MYO18B: variants seen among roughly 807,000 people sequenced by gnomAD.
MYO18B encodes myosin XVIIIB, also known as unconventional myosin-XVIIIb.
MYO18B carries 204 observed loss-of-function variants against 273.0 expected under a neutral mutation model. That is an observed-to-expected ratio of 0.75 (90% CI 0.67 to 0.84). The LOEUF (loss-of-function observed/expected upper bound fraction) is 0.84. Ranked by LOEUF, MYO18B falls within the 40% of genes least tolerant of loss-of-function variation. The pLI is 0.00. For missense variants in MYO18B, 3,212 were observed against 3,287.6 expected, an observed-to-expected ratio of 0.98 and a Z score of 0.56; for synonymous variants, 1,330 against 1,305.7, an observed-to-expected ratio of 1.02 and a Z score of -0.40.
intron 34 of MYO18B, among the ~76,000 whole-genome samples, chr22:25,934,313 T>C (rs1601614013): frequency 6.6e-6 from 1 of 152,212 alleles, no homozygotes; most frequent in South Asian, 2.1e-4. Context: ...TGATGTAATC[T>C]AATGGGTCAG....
chr22:25,992,961 A>C (rs915853037), intron 40 of MYO18B, among the ~76,000 whole-genome samples: 1 of 152,180 alleles, frequency 6.6e-6, no homozygotes, highest in Non-Finnish European at 1.5e-5. Flanking sequence ...AACATGACAG[A>C]TATGTAAGTG....
At chr22:25,948,707 A>AC (rs2092757667) in intron 36 of MYO18B, among the ~76,000 whole-genome samples, 1 of 151,712 alleles carries the variant, frequency 6.6e-6, no homozygotes, top group African/African-American at 2.4e-5. Flanking sequence ...TCCCATTCCC[A>AC]CCTTCATGTA....
At chr22:26,011,975 A>G (rs1934954173) in intron 42 of MYO18B, among the ~76,000 whole-genome samples, 1 of 152,202 alleles carries the variant, frequency 6.6e-6, no homozygotes, top group African/African-American at 2.4e-5. Flanking sequence ...TTCTGTAAAC[A>G]TTTGCAGCCC....
At chr22:25,878,156 A>G (rs2091252289) in intron 25 of MYO18B, 108 bp downstream of exon 25, 11 of 867,296 alleles carry the variant, frequency 1.3e-5, no homozygotes, top group South Asian at 1.1e-4. Context: ...TTGCTTTACA[A>G]GCACCCCAGA....
Position 26,027,504 on chromosome 22 carries a change from A to C in MYO18B, c.7530A>C (p.Ser2510=), listed in dbSNP as rs372338405. 2 of 1,613,848 alleles carry C rather than the reference A, an allele frequency of 1.2e-6. No homozygotes were observed. The highest frequency in any genetic ancestry group is 2.7e-5 in the African/African-American group (2 of 74,910). Residue 2510 remains serine, a synonymous_variant, in exon 43 of 44, where the codon TCA becomes TCC. Coordinates refer to ENST00000335473, the MANE Select transcript of MYO18B (RefSeq NM_032608.7). This position sits in a 1 kb window ranked among gnomAD's most constrained non-coding sequence, Gnocchi z 4.1. The part of the protein sequence containing the change: ...EDPAHLSDSS[S]SSGSIVSFKS... ...CCGCTCACCTGTCTGACTCGTCCTCATCCTCCGGCTCCATCGTGTCCTTCA... is the reference window on the plus strand; with the variant it reads ...CCGCTCACCTGTCTGACTCGTCCTCCTCCTCCGGCTCCATCGTGTCCTTCA...
chr22:25,813,193 T>A (rs1266993225), intron 12 of MYO18B, among the ~76,000 whole-genome samples: 1 of 148,158 alleles, frequency 6.7e-6, no homozygotes, highest in East Asian at 2.0e-4. Context: ...CCTTTTTTTT[T>A]TTTTTTTTGA....
intron 42 of MYO18B, among the ~76,000 whole-genome samples, chr22:26,007,834 T>C (rs1460300093): frequency 6.6e-6 from 1 of 152,202 alleles, no homozygotes; most frequent in Non-Finnish European, 1.5e-5. Context: ...CTATGAATAC[T>C]TCTCTCAAAG....
intron 34 of MYO18B, among the ~76,000 whole-genome samples, chr22:25,932,651 C>A (rs577638352): frequency 2.0e-5 from 3 of 152,252 alleles, no homozygotes; most frequent in East Asian, 3.9e-4. Context: ...CTCAGGTGAT[C>A]TGTCCACCTC....
At chr22:25,915,299 C>G (rs1387373615) in intron 33 of MYO18B, among the ~76,000 whole-genome samples, 1 of 152,180 alleles carries the variant, frequency 6.6e-6, no homozygotes, top group Non-Finnish European at 1.5e-5. Context: ...ATTGTGGGAA[C>G]ATCCTAGAGT....
chr22:25,964,379 C>T (rs1375504633), intron 39 of MYO18B: 2 of 152,152 alleles, frequency 1.3e-5, no homozygotes, highest in African/African-American at 4.8e-5. Context: ...GTCACATTCC[C>T]AGTAAATGGC....
At chr22:25,814,343 A>T (rs188638199) in intron 12 of MYO18B, among the ~76,000 whole-genome samples, 33 of 77,142 alleles carry the variant, frequency 4.3e-4, no homozygotes, top group Middle Eastern at 0.014. Flanking sequence ...TTTTTGAGAC[A>T]GAGTTTCACT....
the MYO18B span, among the ~76,000 whole-genome samples, chr22:26,037,767 A>C: frequency 4.6e-5 from 7 of 152,164 alleles, no homozygotes; most frequent in African/African-American, 1.7e-4. Flanking sequence ...AGGCCTCTAG[A>C]AGAGTTTAAA....
rs551371437 is a variant in MYO18B, at chr22:25,871,159, CAG to C, written c.3951+2775_3951+2776del. Among the ~76,000 whole-genome samples, 997 of 152,222 alleles carry C rather than the reference CAG, an allele frequency of 6.5e-3. 8 individuals are homozygous for C. The highest frequency in any genetic ancestry group is 0.024 in the Middle Eastern group (7 of 294). On this transcript the variant is annotated intron_variant, in intron 22 of 43. Coordinates refer to ENST00000335473, the MANE Select transcript of MYO18B (RefSeq NM_032608.7). ...TAATAATGGAGAAGGCTATGAAGCT[CAG>C]GGGACAAGAGAATCGGCTGACCCAG...
chr22:25,851,976 A>G (rs2090440249), intron 21 of MYO18B, among the ~76,000 whole-genome samples: 1 of 152,182 alleles, frequency 6.6e-6, no homozygotes, highest in Admixed American at 6.5e-5. Context: ...ACTTTAGGAA[A>G]AGAATAAGAA....
intron 34 of MYO18B, among the ~76,000 whole-genome samples, chr22:25,926,577 G>A (rs2092424499): frequency 6.6e-6 from 1 of 152,164 alleles, no homozygotes; most frequent in Non-Finnish European, 1.5e-5. Flanking sequence ...TTACAGGTGT[G>A]AGTCACCACA....
intron 34 of MYO18B, among the ~76,000 whole-genome samples, chr22:25,927,226 G>A (rs1214923699): frequency 6.6e-6 from 1 of 152,232 alleles, no homozygotes; most frequent in African/African-American, 2.4e-5. Flanking sequence ...CTGCCGGTGA[G>A]CCGGGCGGAA....
chr22:25,946,978 A>G (rs2092719593), intron 35 of MYO18B, among the ~76,000 whole-genome samples: 2 of 152,140 alleles, frequency 1.3e-5, no homozygotes, highest in African/African-American at 4.8e-5. Context: ...CTGGGTGTAC[A>G]GGGTTGGCTT....
Position 25,874,392 on chromosome 22 carries a change from G to C in MYO18B, c.4058G>C (p.Arg1353Pro). 1 of 1,613,810 alleles carries C rather than the reference G, an allele frequency of 6.2e-7. No homozygotes were observed. The change falls in exon 23 of 44, where the codon CGC becomes CCC. Residue 1353 changes from arginine to proline, a missense_variant. Transcript: ENST00000335473. ...FQAACKGFLS[R>P]QEFKKLKIRR... ...GCGGCTTGCAAGGGCTTTCTGTCTC[G>C]CCAGGAATTCAAGAAGCTGAAGGTA...
rs2086628920 is a variant in MYO18B at position 25,769,304 on chromosome 22, T to C, written c.1388T>C (p.Leu463Pro). The change falls in exon 4 of 44, where the codon CTG (leucine) becomes CCG (proline). Residue 463 changes from leucine to proline, a missense_variant. Physicochemically the swap from Leu to Pro is moderately conservative, Grantham distance 98 (BLOSUM62 -3). Transcript: ENST00000335473. ...GGGGCTGGTGCCCTGGAGACAGAGC[T>C]GGAAGGACCCAGCCAGCCTGCTCTG... is the stretch of plus-strand genomic sequence containing the variant. ...GDGAGALETE[L>P]EGPSQPALEK... is the part of the protein sequence containing the mutation. 1.3e-6 allele frequency: 2 copies of C among 1,580,466 alleles called. No individual in the cohort carries two copies. Among genetic ancestry groups the C allele is most frequent in the Non-Finnish European group, 1.7e-6 (2 of 1,164,038 alleles).
Sources: gnomAD v4.1 joint callset for allele counts (sites outside exome capture counted in the v4.1 genomes callset) on GRCh38, gnomAD v4.1.1 for gene constraint, Gnocchi (gnomAD v3.1) non-coding constraint, MANE v1.5 for transcripts, NCBI Gene and HGNC (gene_info 2026-07-23, HGNC 2026-07-21) for gene names.